Variants in CA10 observed in about 807,000 individuals in gnomAD.
CA10 encodes the protein carbonic anhydrase 10 (inactive), also known as carbonic anhydrase-related protein 10.
CA10 carries 14 observed loss-of-function variants against 44.2 expected under a neutral mutation model. That is an observed-to-expected ratio of 0.32 (90% CI 0.21 to 0.50). The LOEUF is 0.50. Among genes scored for constraint, CA10 ranks in the 20% least tolerant of loss-of-function variants. CA10 has a pLI of 0.99. For synonymous variants in CA10, 159 were observed against 141.6 expected, an observed-to-expected ratio of 1.12 and a Z score of -0.87; for missense variants, 350 against 409.7, an observed-to-expected ratio of 0.85 and a Z score of 1.26.
intron 6 of CA10, among the ~76,000 whole-genome samples, chr17:51,637,760 G>A (rs2091149772): frequency 6.6e-6 from 1 of 152,218 alleles, no homozygotes; most frequent in South Asian, 2.1e-4. Flanking sequence ...AGGTCACAGG[G>A]CTAGCTGGTG....
chr17:51,742,302 T>C (rs1230762494), intron 4 of CA10, among the ~76,000 whole-genome samples: 1 of 152,182 alleles, frequency 6.6e-6, no homozygotes, highest in Non-Finnish European at 1.5e-5. Flanking sequence ...TCATTTCCTC[T>C]CAATCTCCAA....
intron 4 of CA10, among the ~76,000 whole-genome samples, chr17:51,692,809 C>T (rs1196967552): frequency 1.3e-5 from 2 of 152,156 alleles, no homozygotes; most frequent in Non-Finnish European, 2.9e-5. Flanking sequence ...TAAATGAACA[C>T]CAAGGAGTGT....
intron 3 of CA10, among the ~76,000 whole-genome samples, chr17:51,796,173 T>A (rs1447347843): frequency 1.3e-5 from 2 of 152,094 alleles, no homozygotes; most frequent in Non-Finnish European, 2.9e-5. Flanking sequence ...TGGAGTTAGA[T>A]GTTACCGATG....
intron 5 of CA10, among the ~76,000 whole-genome samples, chr17:51,651,333 T>A (rs1306142023): frequency 3.9e-5 from 6 of 152,206 alleles, no homozygotes; most frequent in African/African-American, 1.4e-4. Context: ...AGTTTTGAGA[T>A]GAGTGAATGG....
intron 3 of CA10, among the ~76,000 whole-genome samples, chr17:51,807,041 G>A (rs552198730): frequency 2.0e-5 from 3 of 152,346 alleles, no homozygotes; most frequent in Admixed American, 1.3e-4. Flanking sequence ...AACCAAGGCA[G>A]ATTAAAGTGC....
chr17:51,640,876 A>G (rs1485680429), intron 6 of CA10, among the ~76,000 whole-genome samples: 2 of 152,160 alleles, frequency 1.3e-5, no homozygotes, highest in African/African-American at 4.8e-5. Flanking sequence ...CTGAGGACCA[A>G]TATACCAGAA....
chr17:51,830,233 A>G (rs1046156033), intron 3 of CA10, among the ~76,000 whole-genome samples: 2 of 151,698 alleles, frequency 1.3e-5, no homozygotes, highest in African/African-American at 4.8e-5. Flanking sequence ...GAAAAAAAAG[A>G]AAAAAGTCAA....
At chr17:51,825,305 C>CT (rs139416478) in intron 3 of CA10, among the ~76,000 whole-genome samples, 10,561 of 147,120 alleles carry the variant, frequency 0.072, 803 homozygotes, top group African/African-American at 0.2. Flanking sequence ...TTTTTTCCTT[C>CT]TTTTTTTTTT....
At chr17:51,797,357 C>T (rs897510460) in intron 3 of CA10, among the ~76,000 whole-genome samples, 8 of 152,218 alleles carry the variant, frequency 5.3e-5, no homozygotes, top group East Asian at 1.9e-4. Flanking sequence ...CGCGCACGCA[C>T]GCGTGCACGC....
chr17:51,725,228 A>T (rs956307765), intron 4 of CA10, among the ~76,000 whole-genome samples: 1 of 152,240 alleles, frequency 6.6e-6, no homozygotes, highest in Non-Finnish European at 1.5e-5. Context: ...GCACCTGGAC[A>T]GGCCAAGGAT....
intron 2 of CA10, among the ~76,000 whole-genome samples, chr17:52,002,258 G>A (rs1985451417): frequency 6.6e-6 from 1 of 151,856 alleles, no homozygotes; most frequent in African/African-American, 2.4e-5. Context: ...GAATCTCCTG[G>A]AAATGTTTCT....
At chr17:51,815,341 T>G (rs1315733116) in intron 3 of CA10, among the ~76,000 whole-genome samples, 1 of 152,178 alleles carries the variant, frequency 6.6e-6, no homozygotes, top group Non-Finnish European at 1.5e-5. Flanking sequence ...GTCCAATTAT[T>G]GAGGCAGCTT....
At chr17:51,686,149 T>G (rs1915003592) in intron 4 of CA10, among the ~76,000 whole-genome samples, 2 of 152,208 alleles carry the variant, frequency 1.3e-5, no homozygotes, top group Admixed American at 6.5e-5. Flanking sequence ...TGAGATCTGA[T>G]GGTTTTATAA....
chr17:51,980,635 G>T (rs1405857208), intron 2 of CA10, among the ~76,000 whole-genome samples: 1 of 152,032 alleles, frequency 6.6e-6, no homozygotes. Flanking sequence ...GTCTTCCAGG[G>T]TTTTTATAGT....
chr17:51,852,278 G>T (rs1978830973), intron 3 of CA10, among the ~76,000 whole-genome samples: 1 of 152,210 alleles, frequency 6.6e-6, no homozygotes, highest in African/African-American at 2.4e-5. Context: ...GCTGCACCGA[G>T]TCAGAGGCGA....
chr17:52,008,155 T>C lies in CA10; in HGVS notation c.136+64164A>G, dbSNP rs904220160. Among the ~76,000 whole-genome samples, 32 of 151,802 alleles carry C rather than the reference T, an allele frequency of 2.1e-4. 1 individual carries two copies. The highest frequency in any genetic ancestry group is 6.6e-4 in the Admixed American group (10 of 15,212). ...AGTTTTACTTGTATTGATCATCTCT[T>C]CTTTGTTTTCTATTTCATTATTGCT... On this transcript the variant is annotated intron_variant, in intron 2 of 8. Coordinates refer to ENST00000451037, the MANE Select transcript of CA10 (RefSeq NM_020178.5).
At chr17:52,123,327 A>ATGTGTGTG (rs36182455) in intron 1 of CA10, among the ~76,000 whole-genome samples, 2 of 147,034 alleles carry the variant, frequency 1.4e-5, no homozygotes, top group African/African-American at 2.5e-5. Flanking sequence ...TTACATATAT[A>ATGTGTGTG]TGTGTGTGTG....
chr17:51,926,986 A>G (rs1340344398), intron 3 of CA10, among the ~76,000 whole-genome samples: 2 of 152,188 alleles, frequency 1.3e-5, no homozygotes, highest in Non-Finnish European at 2.9e-5. Context: ...AAATTAATGC[A>G]AGTCTGTTTT....
intron 2 of CA10, among the ~76,000 whole-genome samples, chr17:52,043,705 C>A (rs1364233178): frequency 1.3e-5 from 2 of 151,744 alleles, no homozygotes; most frequent in Non-Finnish European, 2.9e-5. Flanking sequence ...TCATACATGG[C>A]CTTTATTATG....
Sources: allele counts gnomAD v4.1 joint callset (sites outside exome capture counted in the v4.1 genomes callset), GRCh38; gene constraint gnomAD v4.1.1; transcripts MANE v1.5; gene names NCBI Gene and HGNC (gene_info 2026-07-23, HGNC 2026-07-21).